PLPPR4: variants seen among roughly 807,000 people sequenced by gnomAD.
The protein encoded by PLPPR4 is phospholipid phosphatase related 4, also known as phospholipid phosphatase-related protein type 4.
PLPPR4 carries 24 observed loss-of-function variants against 56.6 expected under a neutral mutation model. The ratio of observed to expected loss-of-function variants is 0.42; its 90% CI spans 0.31 to 0.60. The LOEUF is 0.60. Ranked by LOEUF, PLPPR4 falls within the 20% of genes least tolerant of loss-of-function variation. PLPPR4 has a pLI of 0.13. For missense variants in PLPPR4, 654 were observed against 885.8 expected (o/e 0.74, Z 3.32); for synonymous variants, 326 against 328.1 (o/e 0.99, Z 0.07).
intron 2 of PLPPR4, among the ~76,000 whole-genome samples, chr1:99,295,586 C>T (rs1002819668): frequency 1.3e-5 from 2 of 152,170 alleles, no homozygotes; most frequent in South Asian, 4.1e-4. Flanking sequence ...GCATTTATAG[C>T]AAATCAATAT....
intron 3 of PLPPR4, among the ~76,000 whole-genome samples, chr1:99,297,283 T>A (rs1270045629): frequency 6.6e-6 from 1 of 152,168 alleles, no homozygotes; most frequent in African/African-American, 2.4e-5. Flanking sequence ...AGTGTTTCCA[T>A]CCAGAAGTTA....
chr1:99,282,477 G>A lies in PLPPR4; in HGVS notation c.79-5488G>A, dbSNP rs555625036. 2.4e-4 allele frequency among the ~76,000 whole-genome samples: 36 copies of A among 152,208 alleles called. No homozygotes were observed. In the South Asian group the frequency reaches 7.5e-3, roughly 32 times the overall value. ...ATTCCTTACACTTAGAGAAGTACCC[G>A]ATGCCTACTAGGTATTTAATAAATA... On this transcript the variant is annotated intron_variant, in intron 1 of 6. Transcript: ENST00000370185.
intron 4 of PLPPR4, among the ~76,000 whole-genome samples, chr1:99,300,347 T>C (rs1340229986): frequency 2.0e-5 from 3 of 152,076 alleles, no homozygotes; most frequent in Non-Finnish European, 4.4e-5. Context: ...ATTCTTGAGA[T>C]GAAATTATTG....
chr1:99,264,355 G>A (rs943317031), upstream of PLPPR4: 22 of 1,076,414 alleles, frequency 2.0e-5, no homozygotes, highest in Admixed American at 1.5e-4. Flanking sequence ...GAAAAACGGG[G>A]AGCAGGAGCC....
chr1:99,287,632 C>T (rs1659498843), intron 1 of PLPPR4, among the ~76,000 whole-genome samples: 1 of 152,064 alleles, frequency 6.6e-6, no homozygotes, highest in Non-Finnish European at 1.5e-5. Context: ...TTGCATTTTT[C>T]TGATTATCTG....
chr1:99,303,980 G>C (rs780201116), intron 6 of PLPPR4, among the ~76,000 whole-genome samples: 4 of 152,170 alleles, frequency 2.6e-5, no homozygotes, highest in African/African-American at 9.6e-5. Flanking sequence ...GGGATTTATA[G>C]TGCAAAGGAT....
In PLPPR4 at chr1:99,305,830, A is replaced by G; in HGVS notation, c.968A>G (p.His323Arg). 6 of 1,614,170 alleles carry G rather than the reference A, an allele frequency of 3.7e-6. No homozygotes were observed. Among genetic ancestry groups the G allele is most frequent in the Non-Finnish European group, 5.1e-6 (6 of 1,180,022 alleles). The change falls in exon 7 of 7, where the codon CAT becomes CGT. Residue 323 changes from histidine (H) to arginine (R), a missense_variant. His to Arg is a conservative substitution (Grantham distance 29). Transcript: ENST00000370185. ...GGTAGCAGCAGTGATGGAATTGCTC[A>G]TACAGAAGGCATCCTCAACCGAAAC... ...KNGSSSDGIAHTEGILNRNHR... is the reference protein window; with the variant it reads ...KNGSSSDGIARTEGILNRNHR...
At position 99,296,796 on chromosome 1, in the gene PLPPR4, G is replaced by T; in HGVS notation, c.323G>T (p.Gly108Val). The change falls in exon 3 of 7, where the codon GGA becomes GTA. Residue 108 changes from glycine (G) to valine (V), a missense_variant. By Grantham distance (109) the Gly-to-Val change is moderately radical. This residue lies in a region of PLPPR4 where 186 missense variants were observed against 331.4 expected (regional missense o/e 0.56). Transcript: ENST00000370185. The part of the protein sequence containing the change: ...CCLSKRRNGV[G>V]LEPNINAGGC... ...CTCTCCAAAAGAAGAAATGGGGTCG[G>T]ACTAGAGCCCAACATTAATGCTGGA... The T allele has an allele frequency of 6.2e-7, 1 of 1,605,928 alleles. No homozygotes were observed. Among genetic ancestry groups the T allele is most frequent in the South Asian group, 1.1e-5 (1 of 89,910 alleles).
chr1:99,291,978 GC>G (rs1462553580), intron 2 of PLPPR4, among the ~76,000 whole-genome samples: 9 of 151,976 alleles, frequency 5.9e-5, no homozygotes, highest in African/African-American at 2.2e-4. Flanking sequence ...ATATATAGAT[GC>G]TTTAAATGTA....
chr1:99,270,923 C>A (rs1241327700), intron 1 of PLPPR4, among the ~76,000 whole-genome samples: 2 of 152,140 alleles, frequency 1.3e-5, no homozygotes, highest in African/African-American at 4.8e-5. Context: ...AAATAGAGAA[C>A]AGAGTCCTAA....
intron 1 of PLPPR4, among the ~76,000 whole-genome samples, chr1:99,284,123 T>G (rs1422247287): frequency 6.6e-6 from 1 of 152,188 alleles, no homozygotes; most frequent in Non-Finnish European, 1.5e-5. Context: ...CTGTGTAATT[T>G]TATTATGTGC....
In PLPPR4 at chr1:99,307,206, A is replaced by C. The variant is rs1318670870; in HGVS notation, c.*196A>C. 1 of 608,276 alleles carries C rather than the reference A, an allele frequency of 1.6e-6. No individual in the cohort carries two copies. Among genetic ancestry groups the C allele is most frequent in the African/African-American group, 1.8e-5 (1 of 54,202 alleles). 37.7% of individuals were successfully genotyped at this position (608,276 alleles called of 1,614,324 possible). A position where few individuals can be genotyped will look rare whatever the true frequency, so the allele number is the denominator to read the frequency against. On this transcript the variant is annotated 3_prime_UTR_variant, in exon 7 of 7. Coordinates refer to ENST00000370185, the MANE Select transcript of PLPPR4 (RefSeq NM_014839.5). Reference sequence around the variant, plus strand: ...GGAGAGGGAAAAGCACAATGCAAGAACCTAACTAACGTGATGATATGAAGA... The same window carrying C: ...GGAGAGGGAAAAGCACAATGCAAGACCCTAACTAACGTGATGATATGAAGA...
At position 99,264,525 on chromosome 1, in the gene PLPPR4, G is replaced by A; in HGVS notation, c.-69G>A. 2 of 1,550,964 alleles carry A rather than the reference G, an allele frequency of 1.3e-6. No homozygotes were observed. The highest frequency in any genetic ancestry group is 1.7e-6 in the Non-Finnish European group (2 of 1,147,726). On this transcript the variant is annotated 5_prime_UTR_variant, in exon 1 of 7. Transcript: ENST00000370185. ...CGCCGGGCGCTTGGGGCTGGAGGAG[G>A]CAGCTCGCCTCAGCTGCGCTGTGCA...
intron 1 of PLPPR4, among the ~76,000 whole-genome samples, chr1:99,272,165 C>T (rs778583259): frequency 2.8e-4 from 43 of 152,140 alleles, no homozygotes; most frequent in African/African-American, 4.8e-5. Flanking sequence ...GAGGAAATGT[C>T]TCACAGAGTT....
In PLPPR4 at chr1:99,306,444, A is replaced by G; in HGVS notation, c.1582A>G (p.Ile528Val). 6.2e-7 allele frequency: 1 copy of G among 1,614,190 alleles called. No homozygotes were observed. Among genetic ancestry groups the G allele is most frequent in the Non-Finnish European group, 8.5e-7 (1 of 1,180,034 alleles). ...TAACAGAAGCAACAGCCAGCCCCGA[A>G]TCATGCAAGTCATAGCCATGTCCAA... The part of the protein sequence containing the change: ...ACNRSNSQPR[I>V]MQVIAMSKQQ... Residue 528 changes from isoleucine to valine, a missense_variant, in exon 7 of 7, where the codon ATC (isoleucine) becomes GTC (valine). By Grantham distance (29) the Ile-to-Val change is conservative (BLOSUM62 3). Coordinates refer to ENST00000370185, the MANE Select transcript of PLPPR4 (RefSeq NM_014839.5). This position sits in a 1 kb window ranked among gnomAD's most constrained non-coding sequence, Gnocchi z 4.0.
intron 2 of PLPPR4, among the ~76,000 whole-genome samples, chr1:99,290,266 C>T (rs555455624): frequency 9.2e-5 from 14 of 152,152 alleles, no homozygotes; most frequent in Non-Finnish European, 1.5e-4. Flanking sequence ...AGGAGAACTA[C>T]AAACTACTGC....
intron 5 of PLPPR4, 127 bp downstream of exon 5, chr1:99,301,093 C>T (rs1659873181): frequency 1.3e-6 from 1 of 763,384 alleles, no homozygotes; most frequent in Non-Finnish European, 2.2e-6. Context: ...AGCACTGCAG[C>T]CTTTCAATAC....
At chr1:99,297,283 T>C (rs1270045629) in intron 3 of PLPPR4, among the ~76,000 whole-genome samples, 2 of 152,286 alleles carry the variant, frequency 1.3e-5, no homozygotes, top group Non-Finnish European at 1.5e-5. Flanking sequence ...AGTGTTTCCA[T>C]CCAGAAGTTA....
At position 99,299,022 on chromosome 1, in the gene PLPPR4, A is replaced by T. The variant is rs911339822; in HGVS notation, c.395-13A>T. On this transcript the variant is annotated splice_polypyrimidine_tract_variant and intron_variant, in intron 3 of 6. Transcript: ENST00000370185. Reference sequence around the variant, plus strand: ...CACCAACTTGGTAACAATTTCTTTCATTTTGCCTATAGGTGTTCATGTATT... The same window carrying T: ...CACCAACTTGGTAACAATTTCTTTCTTTTTGCCTATAGGTGTTCATGTATT... 1.2e-6 allele frequency: 2 copies of T among 1,602,668 alleles called. No individual in the cohort carries two copies. Among genetic ancestry groups the T allele is most frequent in the African/African-American group, 1.3e-5 (1 of 74,682 alleles).
Sources: allele counts gnomAD v4.1 joint callset (sites outside exome capture counted in the v4.1 genomes callset), GRCh38; gene constraint gnomAD v4.1.1; regional missense constraint gnomAD v4.1.1; non-coding constraint Gnocchi (gnomAD v3.1); transcripts MANE v1.5; gene names NCBI Gene and HGNC (gene_info 2026-07-23, HGNC 2026-07-21).